Variants in CCSER1 observed in about 807,000 individuals in gnomAD.
The protein encoded by CCSER1 is coiled-coil serine rich protein 1.
Under a neutral mutation model 82.0 loss-of-function variants are expected in CCSER1, and 41 were observed. That is an observed-to-expected ratio of 0.50 (90% CI 0.39 to 0.65). The LOEUF (loss-of-function observed/expected upper bound fraction) is 0.65. Ranked by LOEUF, CCSER1 falls within the 30% of genes least tolerant of loss-of-function variation. The probability of loss-of-function intolerance (pLI) is 0.00; values close to 1 mark genes in which losing one functional copy is unlikely to be tolerated. For synonymous variants in CCSER1, 414 were observed against 383.9 expected (o/e 1.08, Z -0.92); for missense variants, 1,119 against 1,064.2 (o/e 1.05, Z -0.72).
At chr4:90,567,738 C>T (rs1779580300) in intron 5 of CCSER1, among the ~76,000 whole-genome samples, 1 of 151,786 alleles carries the variant, frequency 6.6e-6, no homozygotes, top group Admixed American at 6.6e-5. Context: ...TCCCAAAGAG[C>T]TGGGACTGCA....
chr4:90,623,448 A>G (rs1448131541), intron 5 of CCSER1, among the ~76,000 whole-genome samples: 1 of 152,184 alleles, frequency 6.6e-6, no homozygotes, highest in Non-Finnish European at 1.5e-5. Context: ...TTTGGAACTC[A>G]AAGAGCAAAG....
rs957924445 is a variant in CCSER1, at chr4:90,662,094, G to T, written c.1932+33862G>T. ...GCTCATTGCAACCTCCGCCTCCCAG[G>T]TTCACGTGATTCTCCTGCCTCAGCC... On this transcript the variant is annotated intron_variant, in intron 6 of 10. Transcript: ENST00000509176. Among the ~76,000 whole-genome samples, 3 of 151,520 alleles carry T rather than the reference G, an allele frequency of 2.0e-5. No homozygotes were observed. In the South Asian group the frequency reaches 6.2e-4, roughly 32 times the overall value.
intron 1 of CCSER1, among the ~76,000 whole-genome samples, chr4:90,254,738 C>T (rs1722963193): frequency 6.6e-6 from 1 of 152,006 alleles, no homozygotes; most frequent in East Asian, 1.9e-4. Flanking sequence ...GGGAATGGGC[C>T]ATGGCTCACA....
chr4:90,276,800 T>C (rs1054336816), intron 1 of CCSER1, among the ~76,000 whole-genome samples: 2 of 152,142 alleles, frequency 1.3e-5, no homozygotes, highest in East Asian at 1.9e-4. Context: ...TGTGGAGATA[T>C]TTCACCTCCT....
At chr4:90,430,446 T>A (rs1758114800) in intron 4 of CCSER1, among the ~76,000 whole-genome samples, 1 of 151,890 alleles carries the variant, frequency 6.6e-6, no homozygotes, top group South Asian at 2.1e-4. Context: ...GTGAAATTCA[T>A]TAAAAGGGAA....
intron 9 of CCSER1, among the ~76,000 whole-genome samples, chr4:91,078,554 T>C (rs755356591): frequency 6.6e-6 from 1 of 152,114 alleles, no homozygotes; most frequent in Non-Finnish European, 1.5e-5. Flanking sequence ...TCGCCAGCAA[T>C]GGAACAAAGC....
chr4:91,553,220 A>G (rs1762243267), intron 10 of CCSER1, among the ~76,000 whole-genome samples: 1 of 151,480 alleles, frequency 6.6e-6, no homozygotes, highest in Non-Finnish European at 1.5e-5. Context: ...CAGATGTTGA[A>G]CATCCTTGCA....
At chr4:90,171,953 T>A (rs1360039121) in intron 1 of CCSER1, among the ~76,000 whole-genome samples, 1 of 151,934 alleles carries the variant, frequency 6.6e-6, no homozygotes, top group Non-Finnish European at 1.5e-5. Context: ...TGTAAACATT[T>A]CATACAATAA....
chr4:90,331,815 A>G, intron 3 of CCSER1, among the ~76,000 whole-genome samples: 1 of 141,410 alleles, frequency 7.1e-6, no homozygotes, highest in African/African-American at 2.6e-5. Context: ...GAAATGTAAG[A>G]CAGCTTTTTT....
intron 10 of CCSER1, among the ~76,000 whole-genome samples, chr4:91,521,908 G>C (rs1760493193): frequency 6.6e-6 from 1 of 151,868 alleles, no homozygotes; most frequent in African/African-American, 2.4e-5. Flanking sequence ...GTTAATTTTG[G>C]CTTTTGTTGC....
chr4:90,318,324 G>A (rs1425300016), intron 3 of CCSER1, among the ~76,000 whole-genome samples: 3 of 152,138 alleles, frequency 2.0e-5, no homozygotes, highest in Admixed American at 1.3e-4. Context: ...ATTGCACCAA[G>A]CAGTTGGTTT....
intron 10 of CCSER1, among the ~76,000 whole-genome samples, chr4:91,170,784 A>G (rs1732666206): frequency 6.6e-6 from 1 of 152,222 alleles, no homozygotes; most frequent in South Asian, 2.1e-4. Flanking sequence ...ACATGCCTGG[A>G]ACCTACCAAC....
intron 9 of CCSER1, among the ~76,000 whole-genome samples, chr4:90,997,009 A>G (rs1008394397): frequency 6.6e-6 from 1 of 152,152 alleles, no homozygotes; most frequent in Non-Finnish European, 1.5e-5. Context: ...TCTGAAGTAA[A>G]TACCCAAGAA....
At chr4:91,349,586 GT>G (rs1451882065) in intron 10 of CCSER1, among the ~76,000 whole-genome samples, 1 of 152,058 alleles carries the variant, frequency 6.6e-6, no homozygotes, top group East Asian at 1.9e-4. Context: ...TCATTTCCCA[GT>G]TTGTTTACTT....
intron 3 of CCSER1, among the ~76,000 whole-genome samples, chr4:90,332,137 T>G (rs1271230315): frequency 6.6e-6 from 1 of 152,162 alleles, no homozygotes; most frequent in African/African-American, 2.4e-5. Flanking sequence ...AATCTTTTAC[T>G]TTAAAGAAAA....
chr4:90,866,294 G>A (rs1445195809), intron 8 of CCSER1, among the ~76,000 whole-genome samples: 2 of 151,978 alleles, frequency 1.3e-5, no homozygotes, highest in Non-Finnish European at 2.9e-5. Context: ...AAATATTTGA[G>A]CATGTTATAA....
intron 10 of CCSER1, among the ~76,000 whole-genome samples, chr4:91,250,145 T>G (rs1047349847): frequency 1.3e-5 from 2 of 152,172 alleles, no homozygotes; most frequent in African/African-American, 4.8e-5. Context: ...TGTGATAGAA[T>G]AAGTGGTTGC....
intron 10 of CCSER1, among the ~76,000 whole-genome samples, chr4:91,543,333 T>A (rs986976579): frequency 2.0e-5 from 3 of 152,142 alleles, no homozygotes; most frequent in Non-Finnish European, 2.9e-5. Context: ...TGTGAATTTG[T>A]TCCTGTCATT....
chr4:90,969,935 A>C (rs1734930825), intron 9 of CCSER1, among the ~76,000 whole-genome samples: 1 of 151,714 alleles, frequency 6.6e-6, no homozygotes, highest in Non-Finnish European at 1.5e-5. Context: ...GAAATAAAAA[A>C]AACCTCTAGT....
Sources: allele counts gnomAD v4.1 joint callset (sites outside exome capture counted in the v4.1 genomes callset), GRCh38; gene constraint gnomAD v4.1.1; transcripts MANE v1.5; gene names NCBI Gene and HGNC (gene_info 2026-07-23, HGNC 2026-07-21).